The following PTPRM variants were observed in gnomAD, a reference collection of about 807,000 sequenced individuals.
PTPRM encodes the protein receptor-type tyrosine-protein phosphatase mu.
PTPRM carries 47 observed loss-of-function variants against 186.7 expected under a neutral mutation model. The observed-to-expected ratio is 0.25, with a 90% CI of 0.20 to 0.32. The LOEUF is 0.32. Ranked by LOEUF, PTPRM falls within the 10% of genes least tolerant of loss-of-function variation. The pLI, the probability that PTPRM is intolerant of heterozygous loss-of-function variation, is 1.00. For missense variants in PTPRM, 1,494 were observed against 1,865.0 expected (o/e 0.80, Z 3.66); for synonymous variants, 668 against 674.9 (o/e 0.99, Z 0.16).
chr18:8,399,242 G>A (rs1479985848), intron 32 of PTPRM, among the ~76,000 whole-genome samples: 1 of 152,182 alleles, frequency 6.6e-6, no homozygotes, highest in African/African-American at 2.4e-5. Context: ...AAACAGAAGG[G>A]ACTTCTTTAT....
intron 13 of PTPRM, among the ~76,000 whole-genome samples, chr18:8,125,155 A>C (rs961347937): frequency 2.0e-5 from 3 of 150,960 alleles, no homozygotes; most frequent in Non-Finnish European, 2.9e-5. Context: ...GGTTACAGTG[A>C]GCTGAGATCA....
At chr18:8,198,321 T>C (rs773601367) in intron 14 of PTPRM, among the ~76,000 whole-genome samples, 15 of 152,056 alleles carry the variant, frequency 9.9e-5, no homozygotes, top group Non-Finnish European at 1.8e-4. Context: ...CTAACTTTTG[T>C]GTTTTTTTGT....
chr18:7,709,322 G>T (rs562895055), intron 1 of PTPRM, among the ~76,000 whole-genome samples: 2 of 152,120 alleles, frequency 1.3e-5, no homozygotes, highest in South Asian at 4.2e-4. Flanking sequence ...GGTTAATAAC[G>T]AACTCAAGGT....
intron 2 of PTPRM, among the ~76,000 whole-genome samples, chr18:7,807,134 C>G: frequency 6.6e-6 from 1 of 152,316 alleles, no homozygotes; most frequent in East Asian, 1.9e-4. Flanking sequence ...AGACCTGGGT[C>G]TGCTTCCAAG....
chr18:8,217,223 G>A (rs751690003), intron 14 of PTPRM, among the ~76,000 whole-genome samples: 2 of 152,188 alleles, frequency 1.3e-5, no homozygotes, highest in Non-Finnish European at 2.9e-5. Flanking sequence ...CCTGGGATCT[G>A]AATGTAAAAT....
chr18:7,886,730 A>G (rs759013637), intron 2 of PTPRM, among the ~76,000 whole-genome samples: 31 of 152,194 alleles, frequency 2.0e-4, no homozygotes, highest in Admixed American at 1.8e-3. Context: ...ATTCCTGTTT[A>G]TCATAAATGG....
chr18:8,064,684 C>T (rs1210830053), intron 7 of PTPRM, among the ~76,000 whole-genome samples: 1 of 152,096 alleles, frequency 6.6e-6, no homozygotes, highest in Admixed American at 6.5e-5. Flanking sequence ...TGTTGTATCC[C>T]AGCAATTTCA....
At chr18:7,982,051 A>G (rs1230562899) in intron 7 of PTPRM, among the ~76,000 whole-genome samples, 1 of 152,108 alleles carries the variant, frequency 6.6e-6, no homozygotes, top group Non-Finnish European at 1.5e-5. Context: ...CTTTACAAAC[A>G]CTGTACACTT....
chr18:8,038,542 C>T (rs146137621), intron 7 of PTPRM, among the ~76,000 whole-genome samples: 7,850 of 152,168 alleles, frequency 0.052, 277 homozygotes, highest in Non-Finnish European at 0.075. Flanking sequence ...CAAGCGTGTA[C>T]CGCCATGCCT....
At chr18:8,073,434 C>T (rs570881921) in intron 8 of PTPRM, among the ~76,000 whole-genome samples, 167 of 152,338 alleles carry the variant, frequency 1.1e-3, no homozygotes, top group African/African-American at 3.8e-3. Flanking sequence ...TTTAGTTCAA[C>T]TTCTAATTAT....
At chr18:7,947,845 T>A (rs2147034650) in intron 5 of PTPRM, among the ~76,000 whole-genome samples, 1 of 152,192 alleles carries the variant, frequency 6.6e-6, no homozygotes, top group South Asian at 2.1e-4. Flanking sequence ...CTGGCCATCG[T>A]TTCTGATTAT....
At chr18:7,700,713 G>T (rs8098343) in intron 1 of PTPRM, among the ~76,000 whole-genome samples, 3 of 152,164 alleles carry the variant, frequency 2.0e-5, no homozygotes, top group Admixed American at 6.5e-5. Flanking sequence ...AATTTAGGTC[G>T]GATGCAGTGG....
At chr18:8,206,198 G>A (rs943746965) in intron 14 of PTPRM, among the ~76,000 whole-genome samples, 1 of 152,084 alleles carries the variant, frequency 6.6e-6, no homozygotes, top group African/African-American at 2.4e-5. Flanking sequence ...AGAGTGAGAT[G>A]AGGGGGAGAG....
intron 1 of PTPRM, among the ~76,000 whole-genome samples, chr18:7,661,586 C>T (rs980059896): frequency 1.3e-5 from 2 of 152,136 alleles, no homozygotes; most frequent in African/African-American, 4.8e-5. Flanking sequence ...GTCTTTTACC[C>T]AATCATTCAT....
intron 13 of PTPRM, among the ~76,000 whole-genome samples, chr18:8,135,770 G>A (rs1041873298): frequency 1.3e-5 from 2 of 152,156 alleles, no homozygotes; most frequent in East Asian, 3.8e-4. Context: ...TTTTGTGTGT[G>A]TAGTTCTTAG....
chr18:7,766,734 C>A (rs1035234220), intron 1 of PTPRM, among the ~76,000 whole-genome samples: 2 of 152,284 alleles, frequency 1.3e-5, no homozygotes, highest in Admixed American at 6.5e-5. Context: ...TCTCCTGTAC[C>A]CTCTACTGAT....
At chr18:8,190,122 T>C (rs2093692018) in intron 14 of PTPRM, among the ~76,000 whole-genome samples, 1 of 152,220 alleles carries the variant, frequency 6.6e-6, no homozygotes, top group African/African-American at 2.4e-5. Context: ...TTATTTTTTG[T>C]GGTGAGAACA....
At chr18:8,010,446 T>C (rs11081352) in intron 7 of PTPRM, among the ~76,000 whole-genome samples, 99,058 of 152,100 alleles carry the variant, frequency 0.65, 32,601 homozygotes, top group African/African-American at 0.74. Flanking sequence ...TCCTGTTCCC[T>C]AAACCACTGA....
At chr18:7,946,939 G>T (rs1230755739) in intron 5 of PTPRM, 1 of 456,094 alleles carries the variant, frequency 2.2e-6, no homozygotes, top group Non-Finnish European at 4.4e-6. Flanking sequence ...CCCTTCTTTG[G>T]GGAGCTGACT....
Sources: gnomAD v4.1 joint callset for allele counts (sites outside exome capture counted in the v4.1 genomes callset) on GRCh38, gnomAD v4.1.1 for gene constraint, MANE v1.5 for transcripts, NCBI Gene and HGNC (gene_info 2026-07-23, HGNC 2026-07-21) for gene names.